The following XPR1 variants were observed in gnomAD, a reference collection of about 807,000 sequenced individuals.
The protein encoded by XPR1 is solute carrier family 53 member 1.
In XPR1, 28 loss-of-function variants were observed where a neutral mutation model predicts 87.5. That is an observed-to-expected ratio of 0.32 (90% CI 0.24 to 0.44). The LOEUF is 0.44. XPR1 is among the 20% of genes least tolerant of loss of function. The probability of loss-of-function intolerance (pLI) is 1.00; values close to 1 mark genes in which losing one functional copy is unlikely to be tolerated. For missense variants in XPR1, 559 were observed against 862.3 expected (o/e 0.65, Z 4.41); for synonymous variants, 300 against 306.1 (o/e 0.98, Z 0.21).
intron 3 of XPR1, among the ~76,000 whole-genome samples, chr1:180,789,931 C>G (rs1280787629): frequency 3.3e-5 from 5 of 152,138 alleles, no homozygotes; most frequent in African/African-American, 4.8e-5. Context: ...ACTGTGCCCT[C>G]AAAGCTTCCT....
intron 1 of XPR1, among the ~76,000 whole-genome samples, chr1:180,681,335 A>G (rs1395822869): frequency 1.3e-5 from 2 of 152,188 alleles, no homozygotes; most frequent in African/African-American, 4.8e-5. Flanking sequence ...ATGTACAGTT[A>G]TTATTTGTGG....
chr1:180,824,630 T>G, intron 7 of XPR1, 123 bp from the exon 8 acceptor site: 1 of 781,806 alleles, frequency 1.3e-6, no homozygotes, highest in Non-Finnish European at 2.0e-6. Context: ...TAATCTAGGT[T>G]TAGGTTTTAT....
intron 6 of XPR1, 122 bp from the exon 7 acceptor site, chr1:180,811,285 T>G: frequency 1.2e-6 from 1 of 809,344 alleles, no homozygotes; most frequent in Non-Finnish European, 2.0e-6. Context: ...TATAAAAATT[T>G]AGAACATTAA....
At chr1:180,825,913 G>A (rs932726344) in intron 9 of XPR1, among the ~76,000 whole-genome samples, 1 of 152,122 alleles carries the variant, frequency 6.6e-6, no homozygotes, top group Non-Finnish European at 1.5e-5. Context: ...AGCTGGGGGT[G>A]GTGGCCCATG....
chr1:180,676,242 A>AT (rs1343812629), intron 1 of XPR1, among the ~76,000 whole-genome samples: 1 of 152,158 alleles, frequency 6.6e-6, no homozygotes, highest in African/African-American at 2.4e-5. Flanking sequence ...TTCAATAACT[A>AT]TTTATTGAGC....
intron 13 of XPR1, among the ~76,000 whole-genome samples, chr1:180,875,508 CAA>C (rs1167673409): frequency 3.3e-3 from 207 of 63,020 alleles, no homozygotes; most frequent in African/African-American, 0.01. Flanking sequence ...GACTCCGTCT[CAA>C]AAAAAAAAAA....
At chr1:180,704,839 T>TTTTTTTTTG (rs1657504720) in intron 2 of XPR1, among the ~76,000 whole-genome samples, 1 of 145,490 alleles carries the variant, frequency 6.9e-6, no homozygotes, top group Admixed American at 7.0e-5. Flanking sequence ...TTTTTTTTTT[T>TTTTTTTTTG]AAGTAATAAT....
intron 11 of XPR1, among the ~76,000 whole-genome samples, chr1:180,843,022 GT>G (rs1192483549): frequency 1.3e-5 from 2 of 152,168 alleles, no homozygotes; most frequent in African/African-American, 4.8e-5. Context: ...ATCCCTTCTT[GT>G]TTAACGTTCT....
chr1:180,853,632 C>T (rs949985978), intron 11 of XPR1, among the ~76,000 whole-genome samples: 2 of 125,986 alleles, frequency 1.6e-5, no homozygotes, highest in Non-Finnish European at 3.3e-5. Context: ...TATAGACACA[C>T]ACACACACAC....
At chr1:180,830,196 A>T (rs1366236472) in intron 9 of XPR1, among the ~76,000 whole-genome samples, 1 of 152,196 alleles carries the variant, frequency 6.6e-6, no homozygotes, top group Non-Finnish European at 1.5e-5. Flanking sequence ...CTTCGTGCAT[A>T]GATGACTACC....
chr1:180,775,951 T>C (rs1412006278), intron 2 of XPR1, among the ~76,000 whole-genome samples: 1 of 152,188 alleles, frequency 6.6e-6, no homozygotes. Context: ...AAGTCCTCTT[T>C]CAAATTGCCT....
At chr1:180,645,765 C>G (rs566654228) in intron 1 of XPR1, among the ~76,000 whole-genome samples, 23 of 152,286 alleles carry the variant, frequency 1.5e-4, no homozygotes, top group African/African-American at 5.5e-4. Flanking sequence ...AAATATTGTT[C>G]AGGTGACATT....
At position 180,866,901 on chromosome 1, in the gene XPR1, C is replaced by T. The variant is rs769937; in HGVS notation, c.1668+3027C>T. ...TATGTATACATGTGCCATGCTGGTG[C>T]GCTGCACCCACTAACGTGTCATCTA... On this transcript the variant is annotated intron_variant, in intron 12 of 14. Coordinates refer to ENST00000367590, the MANE Select transcript of XPR1 (RefSeq NM_004736.4). 1.9e-4 allele frequency among the ~76,000 whole-genome samples: 23 copies of T among 121,874 alleles called. No individual in the cohort carries two copies. In the East Asian group the frequency reaches 4.4e-3, roughly 23 times the overall value. The allele number at this position is 121,874 out of a possible 152,430, so 80.0% of individuals were successfully genotyped here. A position where few individuals can be genotyped will look rare whatever the true frequency, so the allele number is the denominator to read the frequency against.
chr1:180,720,578 A>G (rs535322215), intron 2 of XPR1, among the ~76,000 whole-genome samples: 6 of 152,330 alleles, frequency 3.9e-5, no homozygotes, highest in African/African-American at 1.4e-4. Context: ...AATTTAATAT[A>G]TTACTAGAGT....
At chr1:180,712,812 A>G (rs1398364988) in intron 2 of XPR1, among the ~76,000 whole-genome samples, 1 of 152,024 alleles carries the variant, frequency 6.6e-6, no homozygotes, top group Non-Finnish European at 1.5e-5. Context: ...TCTCAAAAAT[A>G]AATAAATAAA....
At chr1:180,840,638 A>G (rs1176722019) in intron 11 of XPR1, among the ~76,000 whole-genome samples, 2 of 151,238 alleles carry the variant, frequency 1.3e-5, no homozygotes, top group Admixed American at 6.6e-5. Context: ...TAAAAACCAG[A>G]AACAAAAATA....
intron 13 of XPR1, among the ~76,000 whole-genome samples, chr1:180,875,303 G>A (rs1652626013): frequency 6.6e-6 from 1 of 151,946 alleles, no homozygotes; most frequent in Non-Finnish European, 1.5e-5. Context: ...TGAACTCAGG[G>A]GTTTGACACT....
At chr1:180,716,420 C>T (rs139170163) in intron 2 of XPR1, among the ~76,000 whole-genome samples, 66 of 152,298 alleles carry the variant, frequency 4.3e-4, no homozygotes, top group African/African-American at 1.5e-3. Flanking sequence ...TCAAGCCTGT[C>T]TGATCTTGTC....
chr1:180,824,970 A>G (rs907027259), intron 8 of XPR1, 27 bp downstream of exon 8: 5 of 1,603,096 alleles, frequency 3.1e-6, no homozygotes, highest in African/African-American at 1.3e-5. Context: ...ATAACACCTC[A>G]TGAATATAGT....
Sources: allele counts gnomAD v4.1 joint callset (sites outside exome capture counted in the v4.1 genomes callset), GRCh38; gene constraint gnomAD v4.1.1; transcripts MANE v1.5; gene names NCBI Gene and HGNC (gene_info 2026-07-23, HGNC 2026-07-21).